PRDM16: variants seen among roughly 807,000 people sequenced by gnomAD.
PRDM16 encodes the protein histone-lysine N-methyltransferase PRDM16.
A neutral mutation model predicts 110.6 loss-of-function variants in PRDM16; 23 were observed. That is an observed-to-expected ratio of 0.21 (90% confidence interval 0.15 to 0.29). The LOEUF (loss-of-function observed/expected upper bound fraction) is 0.29. PRDM16 is among the 10% of genes least tolerant of loss of function. The pLI, the probability that PRDM16 is intolerant of heterozygous loss-of-function variation, is 1.00. For synonymous variants in PRDM16, 799 were observed against 781.8 expected (o/e 1.02, Z -0.37); for missense variants, 1,615 against 1,794.3 (o/e 0.90, Z 1.81).
At position 3,136,125 on chromosome 1, in the gene PRDM16, G is replaced by A. The variant is rs188328907; in HGVS notation, c.38-50000G>A. On this transcript the variant is annotated intron_variant, in intron 1 of 16. Transcript: ENST00000270722. ...TAGGAGCCACCCCTGGGAAGAAAGG[G>A]GGTCTCGGGCAGCCTCGCCATGGGA... 9.8e-3 allele frequency among the ~76,000 whole-genome samples: 1,489 copies of A among 152,252 alleles called. 24 individuals carry two copies. The highest frequency in any genetic ancestry group is 0.033 in the African/African-American group (1,375 of 41,538).
chr1:3,171,152 A>G (rs1176737087), intron 1 of PRDM16, among the ~76,000 whole-genome samples: 2 of 152,226 alleles, frequency 1.3e-5, no homozygotes, highest in Non-Finnish European at 2.9e-5. Context: ...TTTCGGGGCC[A>G]CGTTTGTTTA....
chr1:3,326,598 G>A (rs188735997), intron 3 of PRDM16, among the ~76,000 whole-genome samples: 38 of 152,246 alleles, frequency 2.5e-4, no homozygotes, highest in Admixed American at 2.0e-3. Flanking sequence ...CAGGATGACC[G>A]CCCGCACCCA....
At chr1:3,372,427 C>A (rs1642922552) in intron 3 of PRDM16, among the ~76,000 whole-genome samples, 1 of 152,338 alleles carries the variant, frequency 6.6e-6, no homozygotes, top group Admixed American at 6.5e-5. Flanking sequence ...GTGTCACCAT[C>A]TAAGTGGCCA....
intron 1 of PRDM16, among the ~76,000 whole-genome samples, chr1:3,072,242 CCAGGTGGG>C (rs1336529316): frequency 7.9e-5 from 12 of 152,138 alleles, no homozygotes; most frequent in African/African-American, 2.9e-4. Context: ...CTGTTGTGAG[CCAGGTGGG>C]CAGGTGGGGG....
At chr1:3,180,339 C>T (rs569448384) in intron 1 of PRDM16, among the ~76,000 whole-genome samples, 6 of 151,930 alleles carry the variant, frequency 3.9e-5, no homozygotes, top group East Asian at 1.9e-4. Context: ...AGTGAGGAAC[C>T]GTAGATTTTT....
At chr1:3,324,762 C>A (rs944942057) in intron 3 of PRDM16, among the ~76,000 whole-genome samples, 2 of 148,210 alleles carry the variant, frequency 1.3e-5, no homozygotes, top group African/African-American at 4.9e-5. Flanking sequence ...CGTCATCACC[C>A]CCCTACCTGC....
chr1:3,365,591 G>A (rs909951847), intron 3 of PRDM16, among the ~76,000 whole-genome samples: 62 of 152,354 alleles, frequency 4.1e-4, no homozygotes, highest in African/African-American at 1.4e-3. Flanking sequence ...AACAGACAAG[G>A]AGAGGGAATA....
chr1:3,249,365 C>T (rs1475690223), intron 3 of PRDM16, among the ~76,000 whole-genome samples: 3 of 152,072 alleles, frequency 2.0e-5, no homozygotes, highest in Admixed American at 6.5e-5. Flanking sequence ...CTGGGATGTA[C>T]TGGATCTAGA....
chr1:3,137,260 G>T (rs546460826), intron 1 of PRDM16, among the ~76,000 whole-genome samples: 1 of 152,214 alleles, frequency 6.6e-6, no homozygotes, highest in African/African-American at 2.4e-5. Flanking sequence ...TTCTCCCCAC[G>T]CTGACCTGGC....
chr1:3,266,539 C>G (rs1016673127), intron 3 of PRDM16, among the ~76,000 whole-genome samples: 2 of 152,158 alleles, frequency 1.3e-5, no homozygotes, highest in African/African-American at 2.4e-5. Flanking sequence ...GCTCCTCCGA[C>G]GAGGAGAGGG....
Position 3,201,992 on chromosome 1 carries a change from T to C in PRDM16, c.387+15518T>C, listed in dbSNP as rs984582157. Among the ~76,000 whole-genome samples, 6 of 152,164 alleles carry C rather than the reference T, an allele frequency of 3.9e-5. No individual in the cohort carries two copies. The highest frequency in any genetic ancestry group is 8.8e-5 in the Non-Finnish European group (6 of 68,022). Reference sequence around the variant, plus strand: ...CGTACATAATAGTGGGTCCCACACGTCCATGAGGCAGGGGACGCCCTCACA... The same window carrying C: ...CGTACATAATAGTGGGTCCCACACGCCCATGAGGCAGGGGACGCCCTCACA... On this transcript the variant is annotated intron_variant, in intron 2 of 16. Transcript: ENST00000270722. The surrounding 1 kb of genome is among the most constrained non-coding windows in gnomAD (Gnocchi z 4.1).
intron 3 of PRDM16, among the ~76,000 whole-genome samples, chr1:3,373,858 A>G (rs1320723001): frequency 6.6e-6 from 1 of 152,262 alleles, no homozygotes; most frequent in Non-Finnish European, 1.5e-5. Context: ...ACGTCCTGCC[A>G]GAAAGCATCC....
chr1:3,322,515 C>T (rs913204927), intron 3 of PRDM16, among the ~76,000 whole-genome samples: 1 of 151,998 alleles, frequency 6.6e-6, no homozygotes, highest in South Asian at 2.1e-4. Flanking sequence ...AGACCCAGGA[C>T]CCCCACCCAC....
At chr1:3,134,097 C>T (rs1347926882) in intron 1 of PRDM16, among the ~76,000 whole-genome samples, 1 of 152,156 alleles carries the variant, frequency 6.6e-6, no homozygotes, top group Non-Finnish European at 1.5e-5. Context: ...CAGAACCGTC[C>T]AGCTGTGTCG....
chr1:3,107,363 T>A (rs940129359), intron 1 of PRDM16, among the ~76,000 whole-genome samples: 1 of 152,104 alleles, frequency 6.6e-6, no homozygotes, highest in Non-Finnish European at 1.5e-5. Context: ...GGGGGAGCCA[T>A]TGATTTTGTG....
At chr1:3,204,893 C>T (rs545672072) in intron 2 of PRDM16, among the ~76,000 whole-genome samples, 115 of 152,216 alleles carry the variant, frequency 7.6e-4, no homozygotes, top group African/African-American at 2.5e-3. Flanking sequence ...GTGGGACCCC[C>T]GTTGGGGGGG....
intron 1 of PRDM16, among the ~76,000 whole-genome samples, chr1:3,123,189 A>G (rs902400769): frequency 2.6e-5 from 4 of 152,338 alleles, no homozygotes; most frequent in Admixed American, 2.0e-4. Flanking sequence ...ATCATGGCAA[A>G]GCCAAACCCT....
At chr1:3,145,973 C>T (rs1376388236) in intron 1 of PRDM16, among the ~76,000 whole-genome samples, 4 of 152,214 alleles carry the variant, frequency 2.6e-5, no homozygotes, top group African/African-American at 9.6e-5. Context: ...GTGAGCAGCG[C>T]CTCGGGACTC....
intron 3 of PRDM16, among the ~76,000 whole-genome samples, chr1:3,336,527 GGTGTGAATCT>G (rs1183806435): frequency 6.6e-6 from 1 of 150,480 alleles, no homozygotes; most frequent in Middle Eastern, 3.2e-3. Flanking sequence ...CTTGTATGTT[GGTGTGAATCT>G]GTGTGTGAGT....
Sources: gnomAD v4.1 joint callset for allele counts (sites outside exome capture counted in the v4.1 genomes callset) on GRCh38, gnomAD v4.1.1 for gene constraint, Gnocchi (gnomAD v3.1) non-coding constraint, MANE v1.5 for transcripts, NCBI Gene and HGNC (gene_info 2026-07-23, HGNC 2026-07-21) for gene names.